LRRTM3: variants seen among roughly 807,000 people sequenced by gnomAD.
LRRTM3 encodes the protein leucine rich repeat transmembrane neuronal 3, also known as leucine-rich repeat transmembrane neuronal protein 3.
In LRRTM3, 24 loss-of-function variants were observed where a neutral mutation model predicts 44.7. That is an observed-to-expected ratio of 0.54 (90% CI 0.39 to 0.76). LRRTM3 has a LOEUF of 0.76. LRRTM3 is among the 30% of genes least tolerant of loss of function. The pLI is 0.00. For missense variants in LRRTM3, 587 were observed against 702.2 expected, an observed-to-expected ratio of 0.84 and a Z score of 1.85; for synonymous variants, 277 against 278.7, an observed-to-expected ratio of 0.99 and a Z score of 0.06.
chr10:67,046,278 A>G (rs1373099936), intron 2 of LRRTM3, among the ~76,000 whole-genome samples: 1 of 152,150 alleles, frequency 6.6e-6, no homozygotes, highest in Non-Finnish European at 1.5e-5. Flanking sequence ...TTATGTTTAT[A>G]CAATTCTTAT....
chr10:66,990,255 C>A (rs1215589232), intron 2 of LRRTM3, among the ~76,000 whole-genome samples: 2 of 152,136 alleles, frequency 1.3e-5, no homozygotes, highest in African/African-American at 2.4e-5. Flanking sequence ...CTCCCAATAT[C>A]CACAGCAGCC....
intron 2 of LRRTM3, among the ~76,000 whole-genome samples, chr10:67,056,986 C>T (rs1855473121): frequency 2.0e-5 from 3 of 152,286 alleles, no homozygotes; most frequent in Admixed American, 2.0e-4. Context: ...TCCTTCTTGA[C>T]AGCTTAATTA....
intron 2 of LRRTM3, among the ~76,000 whole-genome samples, chr10:66,945,583 G>C (rs1185341322): frequency 5.3e-5 from 8 of 152,154 alleles, no homozygotes; most frequent in African/African-American, 1.9e-4. Flanking sequence ...TGTGTTCACT[G>C]GAGTAGCACT....
chr10:67,097,791 G>T lies in LRRTM3; in HGVS notation c.1741G>T (p.Ala581Ser). 6.2e-7 allele frequency: 1 copy of T among 1,612,046 alleles called. No homozygotes were observed. Among genetic ancestry groups the T allele is most frequent in the Non-Finnish European group, 8.5e-7 (1 of 1,178,706 alleles). Reference sequence around the variant, plus strand: ...AATCAGTGACCATAAACAGCAGCTAGCTTAACTGAGATCATTGGTAGCCAG... The same window carrying T: ...AATCAGTGACCATAAACAGCAGCTATCTTAACTGAGATCATTGGTAGCCAG... ...GRISDHKQQL[A>S] The change falls in exon 3 of 3, where the codon GCT becomes TCT. Residue 581 changes from alanine (A) to serine (S), a missense_variant. Ala to Ser is a moderately conservative substitution (Grantham distance 99). Around this residue, in one of 3 missense-constraint regions of LRRTM3, gnomAD observed 315 missense variants for 335.6 expected, o/e 0.94. Coordinates refer to ENST00000361320, the MANE Select transcript of LRRTM3 (RefSeq NM_178011.5).
In LRRTM3 at chr10:66,927,104, G is replaced by T; in HGVS notation, c.188G>T (p.Cys63Phe). 6.2e-7 allele frequency: 1 copy of T among 1,614,104 alleles called. No homozygotes were observed. Among genetic ancestry groups the T allele is most frequent in the Non-Finnish European group, 8.5e-7 (1 of 1,180,032 alleles). ...QEIPSSISAG[C>F]LGLSLRYNSL... ...ATACCCTCAAGTATATCTGCTGGTT[G>T]CTTAGGTTTGTCCCTTCGCTATAAC... is the stretch of plus-strand genomic sequence containing the variant. The change falls in exon 2 of 3, where the codon TGC (cysteine) becomes TTC (phenylalanine). Residue 63 changes from cysteine (C) to phenylalanine (F), a missense_variant. Cys to Phe is a radical substitution (Grantham distance 205, BLOSUM62 -2). Around this residue, in one of 3 missense-constraint regions of LRRTM3, gnomAD observed 222 missense variants for 323.3 expected, o/e 0.69. Coordinates refer to ENST00000361320, the MANE Select transcript of LRRTM3 (RefSeq NM_178011.5). This position sits in a 1 kb window ranked among gnomAD's most constrained non-coding sequence, Gnocchi z 4.7.
At chr10:67,001,630 G>T (rs1851698582) in intron 2 of LRRTM3, among the ~76,000 whole-genome samples, 1 of 152,014 alleles carries the variant, frequency 6.6e-6, no homozygotes, top group African/African-American at 2.4e-5. Flanking sequence ...TACTCAAAAA[G>T]AATAATTTTA....
chr10:67,059,036 G>A (rs943721573), intron 2 of LRRTM3, among the ~76,000 whole-genome samples: 1 of 152,110 alleles, frequency 6.6e-6, no homozygotes, highest in Admixed American at 6.5e-5. Flanking sequence ...TTCTAAGAAG[G>A]ACATTTCTCA....
intron 2 of LRRTM3, among the ~76,000 whole-genome samples, chr10:67,011,086 T>C (rs1377515743): frequency 6.6e-6 from 1 of 152,002 alleles, no homozygotes; most frequent in Non-Finnish European, 1.5e-5. Flanking sequence ...TCCCAGCACT[T>C]TGGGAGGCCA....
intron 2 of LRRTM3, among the ~76,000 whole-genome samples, chr10:67,021,577 C>A (rs1288009180): frequency 6.6e-6 from 1 of 151,690 alleles, no homozygotes; most frequent in Non-Finnish European, 1.5e-5. Flanking sequence ...AAATTATAAT[C>A]ATGAAAGTTA....
chr10:66,977,147 T>C (rs563218553), intron 2 of LRRTM3, among the ~76,000 whole-genome samples: 3 of 152,110 alleles, frequency 2.0e-5, no homozygotes, highest in Admixed American at 2.0e-4. Flanking sequence ...GGGTAGAATA[T>C]ATAAAGGTTG....
In LRRTM3 at chr10:67,097,709, G is replaced by A. The variant is rs764779792; in HGVS notation, c.1659G>A (p.Thr553=). The A allele has an allele frequency of 1.7e-5, 28 of 1,612,506 alleles. 1 individual carries two copies. The South Asian group carries it at 2.3e-4, about 13-fold the overall frequency. The change falls in exon 3 of 3, where the codon ACG becomes ACA. Residue 553 remains threonine (T), a synonymous_variant. Transcript: ENST00000361320. ...TTGAAACGAATGCACAGGAAGATAC[G>A]ATGGAAACACACCTAGAGACTGAGC... ...KSFETNAQED[T]METHLETELD... is the part of the protein sequence containing the mutation.
At position 66,928,118 on chromosome 10, in the gene LRRTM3, C is replaced by A; in HGVS notation, c.1202C>A (p.Ala401Asp). ...SKPPLPPTVG[A>D]TEPGPETDAD... Reference sequence around the variant, plus strand: ...CCCCCTTTGCCCCCGACGGTGGGAGCCACAGAGCCCGGCCCAGAGACCGAT... The same window carrying A: ...CCCCCTTTGCCCCCGACGGTGGGAGACACAGAGCCCGGCCCAGAGACCGAT... The change falls in exon 2 of 3, where the codon GCC becomes GAC. Residue 401 changes from alanine to aspartate, a missense_variant. By Grantham distance (126) the Ala-to-Asp change is moderately radical. Around this residue, in one of 3 missense-constraint regions of LRRTM3, gnomAD observed 315 missense variants for 335.6 expected, o/e 0.94. Transcript: ENST00000361320. The A allele has an allele frequency of 6.2e-7, 1 of 1,614,096 alleles. No individual in the cohort carries two copies. Among genetic ancestry groups the A allele is most frequent in the East Asian group, 2.2e-5 (1 of 44,860 alleles).
intron 2 of LRRTM3, among the ~76,000 whole-genome samples, chr10:67,076,136 C>G (rs1856735581): frequency 6.6e-6 from 1 of 152,184 alleles, no homozygotes; most frequent in African/African-American, 2.4e-5. Context: ...TTTAAGCTCC[C>G]CTGTATTACA....
chr10:67,024,935 A>C (rs1853261729), intron 2 of LRRTM3, among the ~76,000 whole-genome samples: 1 of 152,114 alleles, frequency 6.6e-6, no homozygotes, highest in South Asian at 2.1e-4. Flanking sequence ...GTTTGAGACC[A>C]GCCTGACCAA....
intron 2 of LRRTM3, among the ~76,000 whole-genome samples, chr10:66,958,573 T>TA (rs1193853490): frequency 6.6e-6 from 1 of 152,032 alleles, no homozygotes; most frequent in Non-Finnish European, 1.5e-5. Flanking sequence ...ATTCAATAAG[T>TA]AAGTAAGCGA....
At chr10:67,075,620 C>A (rs907833893) in intron 2 of LRRTM3, among the ~76,000 whole-genome samples, 2 of 152,138 alleles carry the variant, frequency 1.3e-5, no homozygotes, top group African/African-American at 2.4e-5. Context: ...TCAGATGGGC[C>A]CAACCTACCA....
chr10:66,974,602 AT>A (rs1849922509), intron 2 of LRRTM3, among the ~76,000 whole-genome samples: 2 of 152,188 alleles, frequency 1.3e-5, no homozygotes. Context: ...CAAAGTGGTT[AT>A]TCCATTTCAC....
intron 2 of LRRTM3, among the ~76,000 whole-genome samples, chr10:67,081,907 G>A (rs971053150): frequency 2.6e-5 from 4 of 152,294 alleles, no homozygotes; most frequent in African/African-American, 9.6e-5. Context: ...CACTAGTTAT[G>A]TTTATATGCA....
At chr10:67,025,707 C>T (rs1853327898) in intron 2 of LRRTM3, among the ~76,000 whole-genome samples, 1 of 152,086 alleles carries the variant, frequency 6.6e-6, no homozygotes, top group Non-Finnish European at 1.5e-5. Flanking sequence ...AAGTATTGTT[C>T]TTAGTTACAT....
Sources: allele counts gnomAD v4.1 joint callset (sites outside exome capture counted in the v4.1 genomes callset), GRCh38; gene constraint gnomAD v4.1.1; regional missense constraint gnomAD v4.1.1; non-coding constraint Gnocchi (gnomAD v3.1); transcripts MANE v1.5; gene names NCBI Gene and HGNC (gene_info 2026-07-23, HGNC 2026-07-21).